The following C2orf76 variants were observed in gnomAD, a reference collection of about 807,000 sequenced individuals.
C2orf76 encodes the protein chromosome 2 open reading frame 76, also known as UPF0538 protein C2orf76.
Under a neutral mutation model 16.9 loss-of-function variants are expected in C2orf76, and 23 were observed. That is an observed-to-expected ratio of 1.36 (90% CI 0.98 to 1.93). The LOEUF (loss-of-function observed/expected upper bound fraction) is 1.93. Ranked by LOEUF, C2orf76 falls within the 30% of genes most tolerant of loss-of-function variation. The pLI is 0.00. For synonymous variants in C2orf76, 48 were observed against 52.3 expected, an observed-to-expected ratio of 0.92 and a Z score of 0.35; for missense variants, 152 against 152.6, an observed-to-expected ratio of 1.00 and a Z score of 0.02.
intron 1 of C2orf76, among the ~76,000 whole-genome samples, chr2:119,359,842 C>CA (rs1225107700): frequency 5.3e-5 from 8 of 151,850 alleles, no homozygotes; most frequent in East Asian, 3.9e-4. Flanking sequence ...GTTGAAACGA[C>CA]AAAAAAAGCG....
At chr2:119,320,663 C>A (rs145747527) in intron 3 of C2orf76, among the ~76,000 whole-genome samples, 2 of 152,092 alleles carry the variant, frequency 1.3e-5, no homozygotes, top group Non-Finnish European at 1.5e-5. Context: ...TTATTAGGTG[C>A]ATCATACCTT....
the C2orf76 span, among the ~76,000 whole-genome samples, chr2:119,292,840 G>A: frequency 5.3e-5 from 8 of 152,106 alleles, no homozygotes; most frequent in African/African-American, 1.9e-4. Flanking sequence ...TTTGAGACCA[G>A]CCTGGCCAAC....
chr2:119,358,085 GC>G (rs1384844916), intron 1 of C2orf76, among the ~76,000 whole-genome samples: 3 of 152,084 alleles, frequency 2.0e-5, no homozygotes, highest in Non-Finnish European at 4.4e-5. Flanking sequence ...CACTGCAATG[GC>G]CTCTAAGTTT....
chr2:119,299,332 TATGC>T (rs1281175230), downstream of C2orf76, among the ~76,000 whole-genome samples: 1 of 152,256 alleles, frequency 6.6e-6, no homozygotes, highest in African/African-American at 2.4e-5. Context: ...AATTTTTATA[TATGC>T]ATGAGCAAGA....
At chr2:119,327,207 G>A (rs141094531) in intron 2 of C2orf76, among the ~76,000 whole-genome samples, 94 of 152,240 alleles carry the variant, frequency 6.2e-4, no homozygotes, top group Non-Finnish European at 1.1e-3. Flanking sequence ...TCTTCATCAG[G>A]TAGAGGAAGT....
At position 119,363,911 on chromosome 2, in the gene C2orf76, G is replaced by A. The variant is rs58551732; in HGVS notation, c.-13+2879C>T. Among the ~76,000 whole-genome samples the A allele has an allele frequency of 3.2e-3, 486 of 151,958 alleles. 2 individuals are homozygous for A. The highest frequency in any genetic ancestry group is 0.011 in the African/African-American group (466 of 41,458). ...CACACACCTGTAGTCCCAGCTACTC[G>A]GGAGGCTGAGGTGGGAGAATCATCT... On this transcript the variant is annotated intron_variant, in intron 1 of 5. Coordinates refer to ENST00000334816, the MANE Select transcript of C2orf76 (RefSeq NM_001322331.2).
intron 1 of C2orf76, chr2:119,366,323 G>A (rs911474246): frequency 9.5e-6 from 4 of 420,574 alleles, no homozygotes; most frequent in African/African-American, 2.1e-5. Flanking sequence ...GTTAAATCAA[G>A]ACAAATAAGA....
chr2:119,300,578 C>T (rs905960239), downstream of C2orf76, among the ~76,000 whole-genome samples: 1 of 152,296 alleles, frequency 6.6e-6, no homozygotes, highest in African/African-American at 2.4e-5. Context: ...CCTCAACTTA[C>T]AATGGGGTTA....
intron 2 of C2orf76, among the ~76,000 whole-genome samples, chr2:119,337,059 A>T (rs75485696): frequency 0.041 from 2,451 of 59,704 alleles, 83 homozygotes; most frequent in African/African-American, 0.13. Context: ...TTATTTATTT[A>T]TTTATTTATT....
chr2:119,282,088 G>A, the C2orf76 span, among the ~76,000 whole-genome samples: 2 of 152,012 alleles, frequency 1.3e-5, no homozygotes, highest in East Asian at 3.8e-4. Flanking sequence ...GGAGGTTGCA[G>A]GGAGCCGAGA....
At chr2:119,353,492 C>T (rs976006394) in intron 1 of C2orf76, among the ~76,000 whole-genome samples, 5 of 149,450 alleles carry the variant, frequency 3.3e-5, no homozygotes, top group East Asian at 3.9e-4. Flanking sequence ...AAATAGATTT[C>T]GGTAACAATG....
At chr2:119,352,154 G>A (rs74432982) in intron 1 of C2orf76, among the ~76,000 whole-genome samples, 1 of 152,280 alleles carries the variant, frequency 6.6e-6, no homozygotes, top group East Asian at 1.9e-4. Context: ...CATGCCACAC[G>A]CAGGTTTCCA....
chr2:119,335,022 G>C (rs1025287271), intron 2 of C2orf76, among the ~76,000 whole-genome samples: 39 of 152,156 alleles, frequency 2.6e-4, no homozygotes, highest in Non-Finnish European at 2.1e-4. Context: ...TCTCACTGTT[G>C]GTATGGGAAT....
intron 2 of C2orf76, among the ~76,000 whole-genome samples, chr2:119,334,842 A>G (rs1679796456): frequency 6.6e-6 from 1 of 152,174 alleles, no homozygotes; most frequent in Admixed American, 6.5e-5. Context: ...GCTGACCTAA[A>G]TAACTCTGGC....
At chr2:119,312,880 T>C (rs1679041133) in intron 4 of C2orf76, among the ~76,000 whole-genome samples, 1 of 151,938 alleles carries the variant, frequency 6.6e-6, no homozygotes, top group South Asian at 2.1e-4. Context: ...ACAAAAAAAT[T>C]AGCCGGGAGC....
At chr2:119,291,329 A>G in the C2orf76 span, among the ~76,000 whole-genome samples, 1 of 151,894 alleles carries the variant, frequency 6.6e-6, no homozygotes, top group Non-Finnish European at 1.5e-5. Flanking sequence ...CTGTGTATCC[A>G]TTCATTCTAC....
At chr2:119,352,100 T>A (rs1680425498) in intron 1 of C2orf76, among the ~76,000 whole-genome samples, 1 of 152,182 alleles carries the variant, frequency 6.6e-6, no homozygotes, top group South Asian at 2.1e-4. Flanking sequence ...GCAGTTAACA[T>A]GGAGAAGACC....
chr2:119,299,810 C>T (rs941774910), downstream of C2orf76, among the ~76,000 whole-genome samples: 1 of 151,998 alleles, frequency 6.6e-6, no homozygotes, highest in African/African-American at 2.4e-5. Context: ...TTTAAAAAAG[C>T]CTGGTATGCA....
At chr2:119,353,082 T>G (rs1680454927) in intron 1 of C2orf76, among the ~76,000 whole-genome samples, 1 of 152,122 alleles carries the variant, frequency 6.6e-6, no homozygotes, top group African/African-American at 2.4e-5. Context: ...AATATGCAAA[T>G]GATTCTGAAA....
Sources: gnomAD v4.1 joint callset for allele counts (sites outside exome capture counted in the v4.1 genomes callset) on GRCh38, gnomAD v4.1.1 for gene constraint, MANE v1.5 for transcripts, NCBI Gene and HGNC (gene_info 2026-07-23, HGNC 2026-07-21) for gene names.